Variants in EPHA6 observed in about 807,000 individuals in gnomAD.
EPHA6 encodes the protein EPH receptor A6.
Under a neutral mutation model 112.0 loss-of-function variants are expected in EPHA6, and 50 were observed. That is an observed-to-expected ratio of 0.45 (90% confidence interval 0.36 to 0.56). The LOEUF (loss-of-function observed/expected upper bound fraction) is 0.56, where lower values mean the gene tolerates loss of function less well. EPHA6 is among the 20% of genes least tolerant of loss of function. The probability of loss-of-function intolerance (pLI) is 0.00; values close to 1 mark genes in which losing one functional copy is unlikely to be tolerated. For missense variants in EPHA6, 1,280 were observed against 1,417.4 expected, an observed-to-expected ratio of 0.90 and a Z score of 1.56; for synonymous variants, 529 against 490.7, an observed-to-expected ratio of 1.08 and a Z score of -1.03.
At chr3:96,885,980 C>G (rs1250949489) in intron 2 of EPHA6, among the ~76,000 whole-genome samples, 2 of 152,148 alleles carry the variant, frequency 1.3e-5, no homozygotes, top group African/African-American at 4.8e-5. Flanking sequence ...TCTTGTTTGA[C>G]CCAATGATCA....
At chr3:97,637,440 C>A (rs1271566587) in intron 13 of EPHA6, among the ~76,000 whole-genome samples, 1 of 152,086 alleles carries the variant, frequency 6.6e-6, no homozygotes, top group Non-Finnish European at 1.5e-5. Flanking sequence ...CCAGTTATCA[C>A]ACGGGTTTTA....
chr3:97,620,694 A>C (rs2093806838), intron 13 of EPHA6, among the ~76,000 whole-genome samples: 1 of 152,134 alleles, frequency 6.6e-6, no homozygotes, highest in African/African-American at 2.4e-5. Flanking sequence ...AGAGAAATGC[A>C]AATCAAAACC....
chr3:97,553,279 G>T (rs1019206489), intron 11 of EPHA6, among the ~76,000 whole-genome samples: 4 of 151,950 alleles, frequency 2.6e-5, no homozygotes, highest in African/African-American at 9.7e-5. Context: ...TCTCTCTGTT[G>T]CTTTGGGGCT....
chr3:96,820,600 G>T (rs2033178842), intron 1 of EPHA6, among the ~76,000 whole-genome samples: 1 of 152,054 alleles, frequency 6.6e-6, no homozygotes, highest in Admixed American at 6.6e-5. Flanking sequence ...AATTGCAAGG[G>T]ATAAGGAAGA....
chr3:97,224,219 T>TA (rs1463270143), intron 3 of EPHA6, among the ~76,000 whole-genome samples: 6 of 152,228 alleles, frequency 3.9e-5, no homozygotes. Flanking sequence ...TCTCACTTTA[T>TA]ATTGCTGTTA....
intron 5 of EPHA6, among the ~76,000 whole-genome samples, chr3:97,282,831 T>C (rs1165833561): frequency 6.6e-6 from 1 of 152,070 alleles, no homozygotes; most frequent in Non-Finnish European, 1.5e-5. Context: ...CACCGGGGCC[T>C]ATCAGCAGGG....
intron 3 of EPHA6, among the ~76,000 whole-genome samples, chr3:97,069,574 G>A (rs1412377072): frequency 1.3e-5 from 2 of 152,118 alleles, no homozygotes; most frequent in South Asian, 2.1e-4. Context: ...ACCTTGCTTA[G>A]GAAAGTAGCT....
chr3:96,968,162 A>C lies in EPHA6; in HGVS notation c.451-19168A>C, dbSNP rs114310881. ...AACTATTACACTTAATTTTTGTTCT[A>C]ATATTGACTGTGTTAGGTATATGTT... On this transcript the variant is annotated intron_variant, in intron 2 of 17. Transcript: ENST00000389672. Among the ~76,000 whole-genome samples, 679 of 151,800 alleles carry C rather than the reference A, an allele frequency of 4.5e-3. 5 individuals are homozygous for C. The highest frequency in any genetic ancestry group is 0.016 in the African/African-American group (662 of 41,482).
At chr3:96,994,732 T>TATATAGAGAGAGAGAGAGAGAGAGAGAG (rs1170197805) in intron 3 of EPHA6, among the ~76,000 whole-genome samples, 1 of 82,218 alleles carries the variant, frequency 1.2e-5, no homozygotes, top group African/African-American at 6.4e-5. Flanking sequence ...TATATATATA[T>TATATAGAGAGAGAGAGAGAGAGAGAGAG]AGAGAGAGAG....
At chr3:97,266,688 A>G (rs1436603712) in intron 5 of EPHA6, among the ~76,000 whole-genome samples, 1 of 151,804 alleles carries the variant, frequency 6.6e-6, no homozygotes, top group Admixed American at 6.6e-5. Context: ...TGAGCCATCA[A>G]GATAAACAAG....
chr3:97,288,796 G>A (rs2080570193), intron 5 of EPHA6, among the ~76,000 whole-genome samples: 1 of 151,778 alleles, frequency 6.6e-6, no homozygotes, highest in African/African-American at 2.4e-5. Flanking sequence ...GTATCTCATT[G>A]TGGTTTTTAT....
chr3:96,837,830 G>T (rs1205709489), intron 1 of EPHA6, among the ~76,000 whole-genome samples: 1 of 151,808 alleles, frequency 6.6e-6, no homozygotes, highest in East Asian at 1.9e-4. Context: ...AATCTTTCAA[G>T]TTTTTTTTAA....
intron 5 of EPHA6, among the ~76,000 whole-genome samples, chr3:97,274,359 G>A (rs899289764): frequency 6.6e-6 from 1 of 152,176 alleles, no homozygotes; most frequent in African/African-American, 2.4e-5. Context: ...AGAGCAAAGG[G>A]ATCTGATGCC....
intron 3 of EPHA6, among the ~76,000 whole-genome samples, chr3:97,026,535 A>C (rs1184344354): frequency 6.6e-6 from 1 of 152,058 alleles, no homozygotes; most frequent in Non-Finnish European, 1.5e-5. Context: ...GTGAGTGGCA[A>C]ATTGTCTGTG....
chr3:97,515,824 G>C (rs2092439229), intron 10 of EPHA6, among the ~76,000 whole-genome samples: 2 of 151,764 alleles, frequency 1.3e-5, no homozygotes, highest in South Asian at 4.2e-4. Flanking sequence ...ATAAAAACTT[G>C]TTCAAAAGGA....
At chr3:97,001,044 GTA>G (rs1170871976) in intron 3 of EPHA6, among the ~76,000 whole-genome samples, 69 of 101,910 alleles carry the variant, frequency 6.8e-4, no homozygotes, top group African/African-American at 3.6e-3. Context: ...ATGTGTGTTC[GTA>G]TATATGTGTG....
At chr3:97,637,820 C>A (rs796888697) in intron 13 of EPHA6, 53 bp from the exon 14 acceptor site, 2 of 1,324,950 alleles carry the variant, frequency 1.5e-6, no homozygotes, top group African/African-American at 1.4e-5. Flanking sequence ...AATACACACA[C>A]GCACACACTG....
chr3:97,249,533 C>T (rs1167812697), intron 5 of EPHA6, among the ~76,000 whole-genome samples: 1 of 152,090 alleles, frequency 6.6e-6, no homozygotes, highest in African/African-American at 2.4e-5. Flanking sequence ...TTTAGAAATT[C>T]GTTTGCAGAG....
At chr3:97,525,099 G>A (rs9821629) in intron 10 of EPHA6, among the ~76,000 whole-genome samples, 2,550 of 151,876 alleles carry the variant, frequency 0.017, 74 homozygotes, top group African/African-American at 0.054. Context: ...TCTCTGTCTC[G>A]CTTCTCCTTT....
Sources: allele counts gnomAD v4.1 joint callset (sites outside exome capture counted in the v4.1 genomes callset), GRCh38; gene constraint gnomAD v4.1.1; transcripts MANE v1.5; gene names NCBI Gene and HGNC (gene_info 2026-07-23, HGNC 2026-07-21).